Variants in COL4A3 observed in about 807,000 individuals in gnomAD.
The protein encoded by COL4A3 is collagen alpha-3(IV) chain.
Under a neutral mutation model 217.4 loss-of-function variants are expected in COL4A3, and 135 were observed. That is an observed-to-expected ratio of 0.62 (90% confidence interval 0.54 to 0.72). The LOEUF (loss-of-function observed/expected upper bound fraction) is 0.72, where lower values mean the gene tolerates loss of function less well. Ranked by LOEUF, COL4A3 falls within the 30% of genes least tolerant of loss-of-function variation. COL4A3 has a pLI of 0.00. For synonymous variants in COL4A3, 690 were observed against 736.3 expected (o/e 0.94, Z 1.02); for missense variants, 1,868 against 2,119.9 (o/e 0.88, Z 2.33).
intron 39 of COL4A3, 85 bp downstream of exon 39, chr2:227,294,655 T>C (rs1484050478): frequency 9.9e-6 from 10 of 1,011,580 alleles, no homozygotes; most frequent in African/African-American, 1.6e-5. Flanking sequence ...AACCTACTAC[T>C]CTATAGAAGG....
At chr2:227,285,277 T>TAAAAAAAAAAAAAAAA (rs764697409) in intron 34 of COL4A3, among the ~76,000 whole-genome samples, 10 of 72,376 alleles carry the variant, frequency 1.4e-4, no homozygotes, top group African/African-American at 5.7e-4. Flanking sequence ...CTGCCAAACC[T>TAAAAAAAAAAAAAAAA]AAAAAAAAAA....
intron 17 of COL4A3, 161 bp downstream of exon 17, chr2:227,256,557 A>C (rs766481539): frequency 1.3e-6 from 1 of 776,688 alleles, no homozygotes; most frequent in East Asian, 2.4e-5. Context: ...TGGCAACTTT[A>C]CTTAAACATT....
chr2:227,186,146 G>A (rs971495734), intron 1 of COL4A3, among the ~76,000 whole-genome samples: 5 of 152,214 alleles, frequency 3.3e-5, no homozygotes, highest in South Asian at 2.1e-4. Context: ...TTGGGGTGGT[G>A]TTTGGAGAAC....
intron 26 of COL4A3, among the ~76,000 whole-genome samples, chr2:227,275,153 T>A (rs1574760656): frequency 1.3e-5 from 2 of 151,366 alleles, no homozygotes; most frequent in Admixed American, 1.3e-4. Context: ...CCTGTTCTAA[T>A]CCATCACCAA....
intron 43 of COL4A3, 46 bp downstream of exon 43, chr2:227,298,858 CT>C: frequency 1.3e-6 from 2 of 1,538,788 alleles, no homozygotes; most frequent in Non-Finnish European, 1.8e-6. Flanking sequence ...TCAATATCAA[CT>C]TATAATTATT....
At chr2:227,256,277 C>A in intron 16 of COL4A3, 66 bp from the exon 17 acceptor site, 1 of 1,445,420 alleles carries the variant, frequency 6.9e-7, no homozygotes. Flanking sequence ...TCAAATTGCA[C>A]CTGCTCCCCC....
chr2:227,300,506 C>T (rs193012521), intron 43 of COL4A3, among the ~76,000 whole-genome samples: 2 of 152,330 alleles, frequency 1.3e-5, no homozygotes, highest in East Asian at 1.9e-4. Flanking sequence ...CCACAGCCGT[C>T]GTCCCTAGCT....
intron 1 of COL4A3, among the ~76,000 whole-genome samples, chr2:227,202,445 T>G (rs1191287000): frequency 6.6e-6 from 1 of 152,084 alleles, no homozygotes; most frequent in African/African-American, 2.4e-5. Flanking sequence ...GGGTATTTTT[T>G]TAAAATATAT....
Position 227,244,336 on chromosome 2 carries a change from C to A in COL4A3, c.251C>A (p.Pro84Gln), listed in dbSNP as rs1407306739. ...PQGPKGFPGLPGLTGSKGVRG... is the reference protein window; with the variant it reads ...PQGPKGFPGLQGLTGSKGVRG... The stretch of plus-strand genomic sequence containing the variant: ...TGAATCTAGGGCTTTCCAGGACTTC[C>A]AGGACTCACGGGTTCCAAAGGTGTA... Residue 84 changes from proline to glutamine, a missense_variant, in exon 4 of 52, where the codon CCA (proline) becomes CAA (glutamine). Transcript: ENST00000396578. The A allele has an allele frequency of 1.2e-6, 2 of 1,613,778 alleles. No individual in the cohort carries two copies. Among genetic ancestry groups the A allele is most frequent in the African/African-American group, 2.7e-5 (2 of 74,872 alleles).
chr2:227,291,324 G>A (rs2072691719), intron 37 of COL4A3, among the ~76,000 whole-genome samples: 1 of 151,994 alleles, frequency 6.6e-6, no homozygotes, highest in Non-Finnish European at 1.5e-5. Context: ...AGCACTTTGG[G>A]AGGCCGAGAC....
chr2:227,274,904 T>A (rs1326934039), intron 26 of COL4A3, among the ~76,000 whole-genome samples: 1 of 152,228 alleles, frequency 6.6e-6, no homozygotes, highest in East Asian at 1.9e-4. Context: ...AAGAATGGTT[T>A]TCACATTTTC....
intron 1 of COL4A3, among the ~76,000 whole-genome samples, chr2:227,175,133 G>A (rs551016630): frequency 1.1e-3 from 170 of 152,252 alleles, no homozygotes; most frequent in African/African-American, 3.7e-3. Flanking sequence ...CTCAGAAGTG[G>A]AGAGAGGCCA....
chr2:227,302,273 C>T (rs1203146540), intron 43 of COL4A3, among the ~76,000 whole-genome samples: 1 of 152,176 alleles, frequency 6.6e-6, no homozygotes, highest in Admixed American at 6.5e-5. Flanking sequence ...CTCCTACCAT[C>T]ATGATCAAGT....
intron 38 of COL4A3, 166 bp from the exon 39 acceptor site, chr2:227,294,324 G>A (rs948491197): frequency 1.4e-6 from 1 of 694,576 alleles, no homozygotes; most frequent in Non-Finnish European, 2.6e-6. Context: ...TGGTTCTCCA[G>A]GAAAATTGCA....
intron 1 of COL4A3, among the ~76,000 whole-genome samples, chr2:227,188,232 A>AG (rs2066104054): frequency 6.6e-6 from 1 of 152,110 alleles, no homozygotes; most frequent in Non-Finnish European, 1.5e-5. Context: ...TTGTAAAAAA[A>AG]AAAATCACTT....
intron 1 of COL4A3, among the ~76,000 whole-genome samples, chr2:227,200,542 CAAGG>C (rs1210118435): frequency 6.6e-6 from 1 of 152,178 alleles, no homozygotes; most frequent in African/African-American, 2.4e-5. Flanking sequence ...TTTTAGAAAA[CAAGG>C]AAGGCGCTGG....
At position 227,259,775 on chromosome 2, in the gene COL4A3, G is replaced by C; in HGVS notation, c.1030-18G>C. On this transcript the variant is annotated intron_variant, in intron 18 of 51. Transcript: ENST00000396578. ...AAATAGCTATCCTTTCTCTGTATTTGTTTCTTTCTCCTCTAAGACAGAATA... is the reference window on the plus strand; with the variant it reads ...AAATAGCTATCCTTTCTCTGTATTTCTTTCTTTCTCCTCTAAGACAGAATA... The C allele has an allele frequency of 6.4e-7, 1 of 1,558,452 alleles. No homozygotes were observed. Among genetic ancestry groups the C allele is most frequent in the Non-Finnish European group, 8.9e-7 (1 of 1,129,360 alleles).
chr2:227,250,375 GATA>G lies in COL4A3; in HGVS notation c.547-764_547-762del, dbSNP rs1403150304. ...AGATAGATAGATAGATAGATAGATA[GATA>G]GATAGATATTTAAAAATTGTATGAA... On this transcript the variant is annotated intron_variant, in intron 9 of 51. Coordinates refer to ENST00000396578, the MANE Select transcript of COL4A3 (RefSeq NM_000091.5). The surrounding 1 kb of genome is among the most constrained non-coding windows in gnomAD (Gnocchi z 4.1). Among the ~76,000 whole-genome samples the G allele has an allele frequency of 6.9e-6, 1 of 145,980 alleles. No homozygotes were observed. Among genetic ancestry groups the G allele is most frequent in the Non-Finnish European group, 1.5e-5 (1 of 65,972 alleles).
chr2:227,254,602 G>T, intron 14 of COL4A3, 54 bp from the exon 15 acceptor site: 1 of 1,324,078 alleles, frequency 7.6e-7, no homozygotes, highest in Non-Finnish European at 1.1e-6. Context: ...AAAAATCAAT[G>T]TAAGTAAAAA....
Sources: allele counts gnomAD v4.1 joint callset (sites outside exome capture counted in the v4.1 genomes callset), GRCh38; gene constraint gnomAD v4.1.1; non-coding constraint Gnocchi (gnomAD v3.1); transcripts MANE v1.5; gene names NCBI Gene and HGNC (gene_info 2026-07-23, HGNC 2026-07-21).